Variants in ADAM28 observed in about 807,000 individuals in gnomAD.
The protein encoded by ADAM28 is ADAM metallopeptidase domain 28.
In ADAM28, 105 loss-of-function variants were observed where a neutral mutation model predicts 101.2. The ratio of observed to expected loss-of-function variants is 1.04; its 90% confidence interval spans 0.89 to 1.22. The LOEUF (loss-of-function observed/expected upper bound fraction) is 1.22, where lower values mean the gene tolerates loss of function less well. ADAM28 is among the 50% of genes most tolerant of loss of function. The probability of loss-of-function intolerance (pLI) is 0.00; values close to 1 mark genes in which losing one functional copy is unlikely to be tolerated. For synonymous variants in ADAM28, 322 were observed against 310.6 expected (o/e 1.04, Z -0.39); for missense variants, 1,028 against 945.4 (o/e 1.09, Z -1.15).
At chr8:24,313,674 C>A in intron 6 of ADAM28, 94 bp downstream of exon 6, 3 of 1,299,048 alleles carry the variant, frequency 2.3e-6, no homozygotes, top group Non-Finnish European at 2.1e-6. Context: ...TAGTCATTGT[C>A]AAAATTAGTA....
chr8:24,320,429 A>C (rs17736657), intron 7 of ADAM28, 122 bp downstream of exon 7: 50,595 of 693,808 alleles, frequency 0.073, 2,077 homozygotes, highest in Admixed American at 0.12. Flanking sequence ...CTATGGTTAC[A>C]TGTTCTTCTA....
intron 16 of ADAM28, among the ~76,000 whole-genome samples, chr8:24,342,622 T>TAATA (rs1395767781): frequency 6.6e-6 from 1 of 152,166 alleles, no homozygotes; most frequent in Non-Finnish European, 1.5e-5. Context: ...ATATAAAATA[T>TAATA]AATATTTAAC....
intron 5 of ADAM28, among the ~76,000 whole-genome samples, chr8:24,312,779 T>C (rs958302304): frequency 2.0e-5 from 3 of 152,126 alleles, no homozygotes; most frequent in Admixed American, 6.6e-5. Flanking sequence ...TAATGAATAA[T>C]GGGTACTCAA....
chr8:24,347,940 T>C (rs573604950), intron 18 of ADAM28, among the ~76,000 whole-genome samples: 7 of 152,168 alleles, frequency 4.6e-5, no homozygotes, highest in Admixed American at 2.0e-4. Flanking sequence ...AAAGAAAGCA[T>C]GCACATATAG....
intron 15 of ADAM28, 37 bp downstream of exon 15, chr8:24,339,605 C>T: frequency 6.6e-7 from 1 of 1,513,236 alleles, no homozygotes; most frequent in East Asian, 2.3e-5. Context: ...GCTTCACAGA[C>T]TAGAGCAATG....
chr8:24,320,127 CT>C (rs1811673907), intron 6 of ADAM28, 108 bp from the exon 7 acceptor site: 1 of 766,650 alleles, frequency 1.3e-6, no homozygotes, highest in Non-Finnish European at 2.2e-6. Flanking sequence ...TATTGTCTGC[CT>C]TTACTCCAGA....
rs377002272 is a variant in ADAM28, at chr8:24,332,709, C to G, written c.1331C>G (p.Thr444Ser). ...GCTAAGACATGTAAAATCAAAGCAA[C>G]TTTTCAATGTGCATTAGGAGAATGT... is the stretch of plus-strand genomic sequence containing the variant. ...CDAKTCKIKA[T>S]FQCALGECCE... is the part of the protein sequence containing the mutation. The change falls in exon 13 of 23, where the codon ACT (threonine) becomes AGT (serine). Residue 444 changes from threonine to serine, a missense_variant. Thr to Ser is a moderately conservative substitution (Grantham distance 58). Coordinates refer to ENST00000265769, the MANE Select transcript of ADAM28 (RefSeq NM_014265.6). 1.1e-4 allele frequency: 169 copies of G among 1,521,132 alleles called. 1 individual carries two copies. The highest frequency in any genetic ancestry group is 1.3e-4 in the Non-Finnish European group (144 of 1,125,660). 94.2% of individuals were successfully genotyped at this position (1,521,132 alleles called of 1,614,324 possible).
At chr8:24,337,098 C>T (rs553893103) in intron 14 of ADAM28, among the ~76,000 whole-genome samples, 8 of 152,210 alleles carry the variant, frequency 5.3e-5, no homozygotes, top group Non-Finnish European at 1.0e-4. Flanking sequence ...CTAGAAAAAC[C>T]TCCCTGTAAA....
intron 16 of ADAM28, chr8:24,342,858 A>G: frequency 3.7e-6 from 2 of 541,994 alleles, no homozygotes; most frequent in Non-Finnish European, 3.1e-6. Flanking sequence ...TGCTTCTGGG[A>G]TATACAGTTG....
intron 18 of ADAM28, among the ~76,000 whole-genome samples, chr8:24,346,789 C>G (rs1320224492): frequency 6.6e-6 from 1 of 152,088 alleles, no homozygotes; most frequent in Non-Finnish European, 1.5e-5. Context: ...TCCCCTCTTT[C>G]TCTAAGGGTT....
At chr8:24,336,906 C>T (rs1814164898) in intron 14 of ADAM28, among the ~76,000 whole-genome samples, 1 of 152,050 alleles carries the variant, frequency 6.6e-6, no homozygotes, top group South Asian at 2.1e-4. Flanking sequence ...ATGACTGAAA[C>T]AATATTTATT....
At chr8:24,341,568 T>C (rs765502873) in intron 15 of ADAM28, 30 bp from the exon 16 acceptor site, 15 of 1,599,358 alleles carry the variant, frequency 9.4e-6, no homozygotes, top group Admixed American at 1.7e-5. Context: ...GCAATTTGAA[T>C]CCTGCAATAC....
chr8:24,309,128 G>C lies in ADAM28; in HGVS notation c.151-766G>C, dbSNP rs534972563. On this transcript the variant is annotated intron_variant, in intron 2 of 22. Coordinates refer to ENST00000265769, the MANE Select transcript of ADAM28 (RefSeq NM_014265.6). ...ATCTTCTTTAAAATAATTCTGTGTA[G>C]TCCTCAATAGCTCTCCTTATATACC... Among the ~76,000 whole-genome samples the C allele has an allele frequency of 1.7e-3, 260 of 152,250 alleles. 2 individuals carry two copies. The highest frequency in any genetic ancestry group is 5.9e-3 in the African/African-American group (245 of 41,554).
intron 8 of ADAM28, among the ~76,000 whole-genome samples, chr8:24,323,317 T>C (rs1001905041): frequency 6.6e-6 from 1 of 151,954 alleles, no homozygotes; most frequent in Non-Finnish European, 1.5e-5. Flanking sequence ...TTTCAACACA[T>C]GAATTTTGGG....
rs1288344321 is a variant in ADAM28, at chr8:24,350,009, G to C, written c.2099+37G>C. On this transcript the variant is annotated intron_variant, in intron 19 of 22. Coordinates refer to ENST00000265769, the MANE Select transcript of ADAM28 (RefSeq NM_014265.6). Reference sequence around the variant, plus strand: ...TCTTATCTTGCTGTAGGGACTCTTTGACCCCTATTTTACTTTACTTTAAAT... The same window carrying C: ...TCTTATCTTGCTGTAGGGACTCTTTCACCCCTATTTTACTTTACTTTAAAT... The C allele has an allele frequency of 1.9e-6, 3 of 1,581,470 alleles. No individual in the cohort carries two copies. In the South Asian group the frequency reaches 3.4e-5, roughly 18 times the overall value.
chr8:24,327,281 C>T (rs1812751209), intron 10 of ADAM28, among the ~76,000 whole-genome samples: 1 of 151,972 alleles, frequency 6.6e-6, no homozygotes, highest in Non-Finnish European at 1.5e-5. Flanking sequence ...GAGTGAACTC[C>T]CATTCACAAT....
At position 24,336,232 on chromosome 8, in the gene ADAM28, CTTGAAAAA is replaced by C. The variant is rs1188739306; in HGVS notation, c.1567+593_1567+600del. 2.7e-5 allele frequency: 25 copies of C among 913,552 alleles called. No homozygotes were observed. In the East Asian group the frequency reaches 1.8e-3, roughly 65 times the overall value. 56.6% of individuals were successfully genotyped at this position (913,552 alleles called of 1,614,324 possible). On this transcript the variant is annotated intron_variant, in intron 14 of 22. Transcript: ENST00000265769. ...ATATTCTCTAATTTCACCAAGAAAA[CTTGAAAAA>C]TAAAAGTTTAAAGAGATATCCGAAA...
intron 18 of ADAM28, among the ~76,000 whole-genome samples, chr8:24,348,616 C>CA (rs1292485666): frequency 6.6e-6 from 1 of 152,048 alleles, no homozygotes; most frequent in African/African-American, 2.4e-5. Flanking sequence ...TGCTTGTTTG[C>CA]AAAAAATTTA....
At chr8:24,317,924 A>C (rs62502725) in intron 6 of ADAM28, among the ~76,000 whole-genome samples, 25,104 of 151,926 alleles carry the variant, frequency 0.17, 2,182 homozygotes, top group East Asian at 0.34. Flanking sequence ...TAAGGACAAA[A>C]AGTAGACAAA....
Sources: allele counts gnomAD v4.1 joint callset (sites outside exome capture counted in the v4.1 genomes callset), GRCh38; gene constraint gnomAD v4.1.1; transcripts MANE v1.5; gene names NCBI Gene and HGNC (gene_info 2026-07-23, HGNC 2026-07-21).